DCLK1: variants seen among roughly 807,000 people sequenced by gnomAD.
DCLK1 encodes the protein serine/threonine-protein kinase DCLK1.
DCLK1 carries 16 observed loss-of-function variants against 86.2 expected under a neutral mutation model. That is an observed-to-expected ratio of 0.19 (90% CI 0.13 to 0.28). The LOEUF (loss-of-function observed/expected upper bound fraction) is 0.28. DCLK1 is among the 10% of genes least tolerant of loss of function. DCLK1 has a pLI of 1.00. For missense variants in DCLK1, 590 were observed against 940.2 expected (o/e 0.63, Z 4.87); for synonymous variants, 369 against 370.5 (o/e 1.00, Z 0.05).
At chr13:35,829,246 C>T (rs1348608001) in intron 8 of DCLK1, among the ~76,000 whole-genome samples, 1 of 152,164 alleles carries the variant, frequency 6.6e-6, no homozygotes, top group Non-Finnish European at 1.5e-5. Flanking sequence ...CTGATTTGTG[C>T]TAACATTGCT....
intron 3 of DCLK1, among the ~76,000 whole-genome samples, chr13:36,083,454 A>C (rs744523): frequency 0.6 from 91,712 of 151,910 alleles, 28,272 homozygotes; most frequent in East Asian, 0.86. Context: ...CATTCACTAC[A>C]CAATGATAAT....
intron 4 of DCLK1, among the ~76,000 whole-genome samples, chr13:35,896,538 CAAAAAA>C (rs10675684): frequency 9.4e-5 from 4 of 42,578 alleles, no homozygotes; most frequent in Non-Finnish European, 1.6e-4. Context: ...AATTCCACCT[CAAAAAA>C]AAAAAAAAAA....
intron 4 of DCLK1, among the ~76,000 whole-genome samples, chr13:35,940,597 T>C (rs768913005): frequency 6.6e-6 from 1 of 152,112 alleles, no homozygotes; most frequent in African/African-American, 2.4e-5. Context: ...CAAATCAACA[T>C]GGGCACGGAG....
In DCLK1 at chr13:35,774,162, T is replaced by C; in HGVS notation, c.*373A>G. ...ACATGTGTGTATACATCCAAAGGCC[T>C]GAAAAATTCCCAAACAAGAATTCTC... On this transcript the variant is annotated 3_prime_UTR_variant, in exon 17 of 17. Transcript: ENST00000360631. 1 of 176,744 alleles carries C rather than the reference T, an allele frequency of 5.7e-6. No homozygotes were observed. Among genetic ancestry groups the C allele is most frequent in the Non-Finnish European group, 1.2e-5 (1 of 81,974 alleles). The allele number at this position is 176,744 out of a possible 1,614,324, so 10.9% of individuals were successfully genotyped here.
At chr13:36,025,203 G>A (rs1952314895) in intron 3 of DCLK1, among the ~76,000 whole-genome samples, 1 of 151,982 alleles carries the variant, frequency 6.6e-6, no homozygotes, top group Non-Finnish European at 1.5e-5. Context: ...CCTGACCTCA[G>A]GTGATCCACC....
intron 6 of DCLK1, chr13:35,848,057 A>G (rs1160177672): frequency 1.0e-6 from 1 of 985,352 alleles, no homozygotes; most frequent in Non-Finnish European, 1.2e-6. Context: ...CAATGTCTAC[A>G]TCTAAGAAAA....
chr13:35,998,986 G>C (rs1036511355), intron 3 of DCLK1, among the ~76,000 whole-genome samples: 1 of 152,176 alleles, frequency 6.6e-6, no homozygotes, highest in Admixed American at 6.5e-5. Context: ...CAGGCATGGT[G>C]GCTCACGCCT....
intron 3 of DCLK1, among the ~76,000 whole-genome samples, chr13:36,094,199 A>G (rs1211655478): frequency 1.3e-5 from 2 of 152,226 alleles, no homozygotes; most frequent in African/African-American, 4.8e-5. Flanking sequence ...GTTTAGTCAT[A>G]GTCAGACAGT....
intron 3 of DCLK1, among the ~76,000 whole-genome samples, chr13:36,008,076 T>C (rs893674503): frequency 1.4e-4 from 21 of 150,814 alleles, no homozygotes. Context: ...TTGCAATGCC[T>C]ATCATTTCCA....
chr13:35,932,227 GA>G (rs1447696565), intron 4 of DCLK1, among the ~76,000 whole-genome samples: 1 of 152,114 alleles, frequency 6.6e-6, no homozygotes, highest in East Asian at 1.9e-4. Flanking sequence ...TGGAACATCT[GA>G]TTTCATCTTC....
chr13:36,099,585 T>C (rs1168836306), intron 3 of DCLK1, among the ~76,000 whole-genome samples: 1 of 152,216 alleles, frequency 6.6e-6, no homozygotes, highest in African/African-American at 2.4e-5. Flanking sequence ...GTATTCCCAA[T>C]GCCTGGCACA....
At chr13:36,130,303 G>C (rs1886318781) in intron 1 of DCLK1, among the ~76,000 whole-genome samples, 1 of 152,094 alleles carries the variant, frequency 6.6e-6, no homozygotes, top group African/African-American at 2.4e-5. Flanking sequence ...CAGTGTGGTC[G>C]CTGAACGTGT....
intron 3 of DCLK1, among the ~76,000 whole-genome samples, chr13:36,014,412 A>T (rs1010685421): frequency 1.3e-5 from 2 of 152,226 alleles, no homozygotes; most frequent in African/African-American, 2.4e-5. Flanking sequence ...GTTGCCTTTA[A>T]AATTTTAAAT....
At chr13:35,800,776 G>A (rs975505023) in intron 15 of DCLK1, among the ~76,000 whole-genome samples, 1 of 151,558 alleles carries the variant, frequency 6.6e-6, no homozygotes, top group African/African-American at 2.4e-5. Flanking sequence ...GGAGTGCAGT[G>A]GCTCAAACTT....
chr13:35,903,879 A>G (rs9315374), intron 4 of DCLK1, among the ~76,000 whole-genome samples: 35,380 of 152,068 alleles, frequency 0.23, 4,683 homozygotes, highest in East Asian at 0.37. Flanking sequence ...TCATTGATTG[A>G]CCTAACAATA....
At chr13:35,909,698 T>A (rs925059332) in intron 4 of DCLK1, among the ~76,000 whole-genome samples, 1 of 151,932 alleles carries the variant, frequency 6.6e-6, no homozygotes. Flanking sequence ...TAGGAAGTCA[T>A]GTGGCAGGGT....
chr13:36,108,399 A>G (rs1885481169), intron 3 of DCLK1, among the ~76,000 whole-genome samples: 1 of 152,210 alleles, frequency 6.6e-6, no homozygotes, highest in African/African-American at 2.4e-5. Flanking sequence ...CAGTCTAAAA[A>G]CATCAAAAAA....
intron 4 of DCLK1, among the ~76,000 whole-genome samples, chr13:35,922,712 T>C (rs17053181): frequency 0.07 from 10,671 of 152,206 alleles, 604 homozygotes; most frequent in African/African-American, 0.15. Context: ...GTATTGGGCA[T>C]AAATCCTGGT....
rs151036297 is a variant in DCLK1 at position 35,873,363 on chromosome 13, C to G, written c.824-2023G>C. Among the ~76,000 whole-genome samples the G allele has an allele frequency of 2.9e-3, 445 of 152,112 alleles. 2 individuals carry two copies. Among genetic ancestry groups the G allele is most frequent in the African/African-American group, 0.01 (429 of 41,532 alleles). Reference sequence around the variant, plus strand: ...TCTTAAAAGCTCTGAATGATGCCCTCCAGAAAGTCCAACAAATTGTACTTT... The same window carrying G: ...TCTTAAAAGCTCTGAATGATGCCCTGCAGAAAGTCCAACAAATTGTACTTT... On this transcript the variant is annotated intron_variant, in intron 4 of 16. Transcript: ENST00000360631.
Sources: allele counts gnomAD v4.1 joint callset (sites outside exome capture counted in the v4.1 genomes callset), GRCh38; gene constraint gnomAD v4.1.1; transcripts MANE v1.5; gene names NCBI Gene and HGNC (gene_info 2026-07-23, HGNC 2026-07-21).